Variants in MICU2 observed in about 807,000 individuals in gnomAD.
MICU2 encodes the protein mitochondrial calcium uptake 2, also known as calcium uptake protein 2, mitochondrial.
MICU2 carries 64 observed loss-of-function variants against 60.4 expected under a neutral mutation model. The ratio of observed to expected loss-of-function variants is 1.06; its 90% confidence interval spans 0.87 to 1.31. The LOEUF (loss-of-function observed/expected upper bound fraction) is 1.31, where lower values mean the gene tolerates loss of function less well. Among genes scored for constraint, MICU2 ranks in the 50% most tolerant of loss-of-function variants. The pLI, the probability that MICU2 is intolerant of heterozygous loss-of-function variation, is 0.00. For synonymous variants in MICU2, 201 were observed against 175.0 expected, an observed-to-expected ratio of 1.15 and a Z score of -1.17; for missense variants, 569 against 531.0, an observed-to-expected ratio of 1.07 and a Z score of -0.70.
intron 7 of MICU2, among the ~76,000 whole-genome samples, chr13:21,511,837 T>C (rs1886435689): frequency 6.6e-6 from 1 of 152,146 alleles, no homozygotes; most frequent in African/African-American, 2.4e-5. Context: ...CCCAGCATAA[T>C]TCTCTGGAGA....
chr13:21,506,235 C>T (rs750738941), intron 8 of MICU2, among the ~76,000 whole-genome samples: 4 of 152,100 alleles, frequency 2.6e-5, no homozygotes, highest in African/African-American at 4.8e-5. Flanking sequence ...AGGCTGCTGT[C>T]GAAGTCCTGG....
intron 1 of MICU2, among the ~76,000 whole-genome samples, chr13:21,598,101 TA>T (rs578210906): frequency 1.8e-4 from 27 of 152,166 alleles, no homozygotes; most frequent in Admixed American, 1.6e-3. Context: ...TTATTTAGAT[TA>T]AAAAATACAG....
At chr13:21,589,813 T>A (rs527683338) in intron 1 of MICU2, among the ~76,000 whole-genome samples, 2 of 152,178 alleles carry the variant, frequency 1.3e-5, no homozygotes, top group East Asian at 3.9e-4. Flanking sequence ...ATTACCCAAT[T>A]GAAATTAGTT....
At chr13:21,539,443 C>T (rs1334661092) in intron 3 of MICU2, 66 bp from the exon 4 acceptor site, 32 of 1,434,466 alleles carry the variant, frequency 2.2e-5, no homozygotes, top group Middle Eastern at 3.8e-4. Context: ...GGACTACAGA[C>T]GCCCACCTCC....
chr13:21,603,341 T>C (rs904441233), intron 1 of MICU2, among the ~76,000 whole-genome samples: 3 of 152,212 alleles, frequency 2.0e-5, no homozygotes, highest in Non-Finnish European at 4.4e-5. Context: ...CACTAAGATA[T>C]TAAGGTTTAT....
chr13:21,536,754 C>T (rs1887139599), intron 4 of MICU2, among the ~76,000 whole-genome samples: 2 of 152,224 alleles, frequency 1.3e-5, no homozygotes, highest in African/African-American at 4.8e-5. Context: ...CTTAATTCTC[C>T]AATTCCTTCT....
chr13:21,498,404 A>T (rs1886057086), intron 9 of MICU2, among the ~76,000 whole-genome samples: 1 of 108,856 alleles, frequency 9.2e-6, no homozygotes, highest in Admixed American at 1.4e-4. Flanking sequence ...TTTTTGAGAC[A>T]GTCTCGCTCT....
intron 1 of MICU2, among the ~76,000 whole-genome samples, chr13:21,584,233 CA>C (rs1398997459): frequency 2.0e-5 from 3 of 151,770 alleles, no homozygotes; most frequent in Non-Finnish European, 4.4e-5. Context: ...ACTAAAAATA[CA>C]AAAAATTAGC....
chr13:21,500,728 T>C (rs1415966451), intron 9 of MICU2, among the ~76,000 whole-genome samples: 2 of 152,142 alleles, frequency 1.3e-5, no homozygotes, highest in Non-Finnish European at 2.9e-5. Context: ...CAATCCCTAC[T>C]GATTTTTAAA....
intron 2 of MICU2, among the ~76,000 whole-genome samples, chr13:21,565,239 G>T (rs978186604): frequency 2.6e-5 from 4 of 152,160 alleles, no homozygotes; most frequent in South Asian, 2.1e-4. Flanking sequence ...TGTAATAAAA[G>T]AACCTAGGCT....
Position 21,492,941 on chromosome 13 carries a change from C to A in MICU2, c.*308G>T. The A allele has an allele frequency of 5.8e-6, 1 of 172,596 alleles. No homozygotes were observed. Among genetic ancestry groups the A allele is most frequent in the South Asian group, 1.6e-4 (1 of 6,098 alleles). 10.7% of individuals were successfully genotyped at this position (172,596 alleles called of 1,614,324 possible). A position where few individuals can be genotyped will look rare whatever the true frequency, so the allele number is the denominator to read the frequency against. ...TTTTTCCCATATGTATTTGTTTTAT[C>A]CTTCCAGAAAGCATATCATATTAGA... On this transcript the variant is annotated 3_prime_UTR_variant, in exon 12 of 12. Transcript: ENST00000382374.
chr13:21,604,074 G>A lies in MICU2; in HGVS notation c.75C>T (p.Ser25=). Residue 25 remains serine, a synonymous_variant, in exon 1 of 12, where the codon AGC becomes AGT. Coordinates refer to ENST00000382374, the MANE Select transcript of MICU2 (RefSeq NM_152726.3). ...GGCCGGGACTCCGCACAGCCTGTCG[G>A]CTGACAGCGAGCCCCCGTCGCAGTT... ...GGKLRRGLAV[S]RQAVRSPGPL... 2.5e-6 allele frequency: 4 copies of A among 1,600,296 alleles called. No homozygotes were observed. Among genetic ancestry groups the A allele is most frequent in the Non-Finnish European group, 3.4e-6 (4 of 1,174,996 alleles).
intron 1 of MICU2, among the ~76,000 whole-genome samples, chr13:21,582,027 CG>C: frequency 6.6e-6 from 1 of 152,274 alleles, no homozygotes; most frequent in East Asian, 1.9e-4. Context: ...AAAGCCACTG[CG>C]GGGTGCCTTC....
chr13:21,517,799 A>ACACACGCGCGCG (rs1244489287), intron 6 of MICU2, among the ~76,000 whole-genome samples: 7 of 136,402 alleles, frequency 5.1e-5, no homozygotes, highest in African/African-American at 2.2e-4. Context: ...ACACACACAC[A>ACACACGCGCGCG]CGCGCGCGCG....
chr13:21,517,701 C>T lies in MICU2; in HGVS notation c.598-3283G>A, dbSNP rs554976970. ...CTGAGGCAGGAGAATCGCTGGAGCC[C>T]GGGAGGCAGAGGTTGCAACGAGCAG... On this transcript the variant is annotated intron_variant, in intron 6 of 11. Coordinates refer to ENST00000382374, the MANE Select transcript of MICU2 (RefSeq NM_152726.3). 8.6e-5 allele frequency among the ~76,000 whole-genome samples: 13 copies of T among 151,912 alleles called. No homozygotes were observed. The South Asian group carries it at 1.0e-3, about 12-fold the overall frequency.
In MICU2 at chr13:21,566,862, T is replaced by C. The variant is rs748406109; in HGVS notation, c.293A>G (p.His98Arg). Residue 98 changes from histidine (H) to arginine (R), a missense_variant, in exon 2 of 12, where the codon CAT (histidine) becomes CGT (arginine). His to Arg is a conservative substitution (Grantham distance 29). Coordinates refer to ENST00000382374, the MANE Select transcript of MICU2 (RefSeq NM_152726.3). ...TGGTGTCATATAATATTCTCCTTCATGTTCGAGTGAAGAAAACTGCATGAA... is the reference window on the plus strand; with the variant it reads ...TGGTGTCATATAATATTCTCCTTCACGTTCGAGTGAAGAAAACTGCATGAA... Reference protein sequence around the residue: ...QRFMQFSSLEHEGEYYMTPRD... With the variant: ...QRFMQFSSLEREGEYYMTPRD... 2.5e-5 allele frequency: 41 copies of C among 1,613,234 alleles called. No homozygotes were observed. The South Asian group carries it at 4.4e-4, about 17-fold the overall frequency.
At chr13:21,572,391 T>C (rs554837763) in intron 1 of MICU2, among the ~76,000 whole-genome samples, 16 of 152,324 alleles carry the variant, frequency 1.1e-4, no homozygotes, top group Middle Eastern at 3.4e-3. Flanking sequence ...GTAAGGCGAA[T>C]GGTTACATTC....
intron 2 of MICU2, among the ~76,000 whole-genome samples, chr13:21,548,925 T>TG (rs1423742073): frequency 6.9e-6 from 1 of 145,114 alleles, no homozygotes; most frequent in East Asian, 2.1e-4. Flanking sequence ...TTGAGAGTTT[T>TG]TTTTTTTTTT....
chr13:21,499,661 C>T (rs932638345), intron 9 of MICU2, among the ~76,000 whole-genome samples: 2 of 152,102 alleles, frequency 1.3e-5, no homozygotes, highest in Admixed American at 6.5e-5. Flanking sequence ...CTGCCCGCCT[C>T]GGCCTCCCAA....
Sources: gnomAD v4.1 joint callset for allele counts (sites outside exome capture counted in the v4.1 genomes callset) on GRCh38, gnomAD v4.1.1 for gene constraint, MANE v1.5 for transcripts, NCBI Gene and HGNC (gene_info 2026-07-23, HGNC 2026-07-21) for gene names.